The following FAF1 variants were observed in gnomAD, a reference collection of about 807,000 sequenced individuals.
FAF1 encodes FAS-associated factor 1.
A neutral mutation model predicts 92.5 loss-of-function variants in FAF1; 25 were observed. That is an observed-to-expected ratio of 0.27 (90% CI 0.20 to 0.38). The LOEUF (loss-of-function observed/expected upper bound fraction) is 0.38. Ranked by LOEUF, FAF1 falls within the 10% of genes least tolerant of loss-of-function variation. The probability of loss-of-function intolerance (pLI) is 1.00; values close to 1 mark genes in which losing one functional copy is unlikely to be tolerated. For synonymous variants in FAF1, 234 were observed against 273.2 expected (o/e 0.86, Z 1.42); for missense variants, 636 against 793.3 (o/e 0.80, Z 2.38).
intron 15 of FAF1, among the ~76,000 whole-genome samples, chr1:50,516,058 C>G (rs1557977324): frequency 1.3e-5 from 2 of 152,126 alleles, no homozygotes; most frequent in Non-Finnish European, 2.9e-5. Context: ...TCACAACAAT[C>G]TTATCAAGTG....
intron 4 of FAF1, among the ~76,000 whole-genome samples, chr1:50,758,580 T>G (rs765259649): frequency 6.6e-6 from 1 of 152,234 alleles, no homozygotes; most frequent in Non-Finnish European, 1.5e-5. Context: ...AAAAAATGTG[T>G]AACCAAATAT....
intron 1 of FAF1, among the ~76,000 whole-genome samples, chr1:50,931,928 A>AATG (rs71059600): frequency 1.4e-5 from 2 of 141,776 alleles, no homozygotes; most frequent in Non-Finnish European, 3.2e-5. Context: ...TAATAATAAT[A>AATG]GCACATGAAA....
intron 9 of FAF1, among the ~76,000 whole-genome samples, chr1:50,595,629 G>C (rs1043296113): frequency 2.0e-5 from 3 of 152,044 alleles, no homozygotes; most frequent in African/African-American, 7.2e-5. Flanking sequence ...TGCAACCTCT[G>C]CCTGCTGGAT....
intron 6 of FAF1, among the ~76,000 whole-genome samples, chr1:50,734,390 T>C (rs1415904134): frequency 6.6e-6 from 1 of 152,202 alleles, no homozygotes; most frequent in Non-Finnish European, 1.5e-5. Context: ...ATAATCAGCA[T>C]CTTGGTTAGA....
At chr1:50,699,379 A>T (rs1008980148) in intron 7 of FAF1, among the ~76,000 whole-genome samples, 5 of 152,108 alleles carry the variant, frequency 3.3e-5, no homozygotes, top group Non-Finnish European at 7.4e-5. Context: ...TTGGTTAATA[A>T]TCAGAATTAT....
At chr1:50,921,818 G>C (rs923399257) in intron 1 of FAF1, among the ~76,000 whole-genome samples, 3 of 152,014 alleles carry the variant, frequency 2.0e-5, no homozygotes, top group Non-Finnish European at 4.4e-5. Flanking sequence ...TTCATTGGTA[G>C]AGAGCAGACA....
chr1:50,457,950 A>G (rs1381436165), intron 18 of FAF1, among the ~76,000 whole-genome samples: 2 of 151,544 alleles, frequency 1.3e-5, no homozygotes, highest in Admixed American at 6.6e-5. Flanking sequence ...GCGGTGGCTC[A>G]CACCTTTAAT....
At chr1:50,959,723 C>T (rs753348374) in intron 1 of FAF1, 44 bp downstream of exon 1, 2 of 1,566,000 alleles carry the variant, frequency 1.3e-6, no homozygotes, top group East Asian at 2.4e-5. Context: ...CACCGGAAAC[C>T]CACGAGGTTG....
intron 2 of FAF1, among the ~76,000 whole-genome samples, chr1:50,822,943 T>G (rs532343185): frequency 6.6e-6 from 1 of 151,884 alleles, no homozygotes; most frequent in Non-Finnish European, 1.5e-5. Flanking sequence ...CCCAGCTAAT[T>G]TTGTATTTTT....
chr1:50,899,382 T>C (rs929127798), intron 1 of FAF1, among the ~76,000 whole-genome samples: 1 of 152,242 alleles, frequency 6.6e-6, no homozygotes, highest in African/African-American at 2.4e-5. Context: ...TCATATTTTC[T>C]AGCTTCTTAC....
At chr1:50,491,615 TTCTC>T in intron 16 of FAF1, 102 bp downstream of exon 16, 1 of 716,488 alleles carries the variant, frequency 1.4e-6, no homozygotes, top group Non-Finnish European at 2.4e-6. Context: ...AAATCTAGCT[TTCTC>T]TATTGCAAAC....
At chr1:50,512,224 C>A (rs1647145495) in intron 15 of FAF1, among the ~76,000 whole-genome samples, 1 of 152,180 alleles carries the variant, frequency 6.6e-6, no homozygotes, top group Non-Finnish European at 1.5e-5. Context: ...TTTTGCTGTG[C>A]AAGAAGCTCT....
At chr1:50,729,038 A>C (rs145244943) in intron 6 of FAF1, among the ~76,000 whole-genome samples, 6,408 of 60,488 alleles carry the variant, frequency 0.11, 224 homozygotes, top group African/African-American at 0.2. Context: ...ATCTATCTAT[A>C]TATATATATA....
chr1:50,880,463 A>T (rs1644602983), intron 1 of FAF1, among the ~76,000 whole-genome samples: 1 of 152,200 alleles, frequency 6.6e-6, no homozygotes. Context: ...TTAAGGTTAA[A>T]TGAGGTCACA....
At chr1:50,896,553 G>A (rs1644759206) in intron 1 of FAF1, among the ~76,000 whole-genome samples, 1 of 152,130 alleles carries the variant, frequency 6.6e-6, no homozygotes, top group African/African-American at 2.4e-5. Flanking sequence ...ATGTTAAATG[G>A]ATAAAGAAAA....
At chr1:50,525,998 T>G (rs1214750238) in intron 15 of FAF1, among the ~76,000 whole-genome samples, 2 of 152,224 alleles carry the variant, frequency 1.3e-5, no homozygotes, top group Non-Finnish European at 2.9e-5. Flanking sequence ...AGGAAAATTT[T>G]TAAGATCATA....
At chr1:50,880,715 C>T (rs567309362) in intron 1 of FAF1, among the ~76,000 whole-genome samples, 1 of 152,222 alleles carries the variant, frequency 6.6e-6, no homozygotes, top group Middle Eastern at 3.4e-3. Flanking sequence ...ACCCAGTGTA[C>T]GATATTGTTA....
intron 2 of FAF1, chr1:50,846,594 G>C (rs1040880475): frequency 1.9e-6 from 1 of 532,178 alleles, no homozygotes; most frequent in African/African-American, 1.9e-5. Flanking sequence ...GAAAACCTGG[G>C]TGAGTGAGCG....
chr1:50,469,089 C>T (rs191990850), intron 18 of FAF1, among the ~76,000 whole-genome samples: 6 of 152,210 alleles, frequency 3.9e-5, no homozygotes, highest in Admixed American at 1.3e-4. Context: ...AAACCTTTTG[C>T]TATTTACTTT....
Sources: gnomAD v4.1 joint callset for allele counts (sites outside exome capture counted in the v4.1 genomes callset) on GRCh38, gnomAD v4.1.1 for gene constraint, MANE v1.5 for transcripts, NCBI Gene and HGNC (gene_info 2026-07-23, HGNC 2026-07-21) for gene names.